The following TTBK2 variants were observed in gnomAD, a reference collection of about 807,000 sequenced individuals.
TTBK2 encodes tau-tubulin kinase 2.
A neutral mutation model predicts 110.8 loss-of-function variants in TTBK2; 28 were observed. The observed-to-expected ratio is 0.25, with a 90% CI of 0.19 to 0.35. TTBK2 has a LOEUF of 0.35. Among genes scored for constraint, TTBK2 ranks in the 10% least tolerant of loss-of-function variants. The pLI is 1.00. For missense variants in TTBK2, 1,369 were observed against 1,500.3 expected (o/e 0.91, Z 1.45); for synonymous variants, 532 against 527.3 (o/e 1.01, Z -0.12).
intron 3 of TTBK2, among the ~76,000 whole-genome samples, chr15:42,861,761 AT>A (rs1339305998): frequency 1.3e-5 from 2 of 152,192 alleles, no homozygotes; most frequent in Admixed American, 1.3e-4. Flanking sequence ...ATTGAACAAA[AT>A]TGAGACACAA....
chr15:42,895,015 T>C (rs951704897), intron 1 of TTBK2, among the ~76,000 whole-genome samples: 2 of 152,286 alleles, frequency 1.3e-5, no homozygotes, highest in South Asian at 4.1e-4. Context: ...TCAATATTCA[T>C]TCATGGTATA....
At chr15:42,763,190 ATATTTTTTTTTTTTTTTTTTTT>A (rs1889179005) in intron 13 of TTBK2, among the ~76,000 whole-genome samples, 9 of 22,762 alleles carry the variant, frequency 4.0e-4, no homozygotes, top group African/African-American at 2.0e-3. Context: ...ATATATATAT[ATATTTTTTTTTTTTTTTTTTTT>A]TTTTTTTTTT....
intron 3 of TTBK2, among the ~76,000 whole-genome samples, chr15:42,844,167 C>T (rs1436740524): frequency 6.6e-6 from 1 of 152,198 alleles, no homozygotes; most frequent in Admixed American, 6.5e-5. Context: ...TAGGCTGTAA[C>T]AGTACCTGGC....
At chr15:42,824,764 G>T (rs186416649) in intron 6 of TTBK2, among the ~76,000 whole-genome samples, 42 of 152,104 alleles carry the variant, frequency 2.8e-4, no homozygotes, top group Admixed American at 1.8e-3. Context: ...TAACTATTGG[G>T]TACTAGGCTT....
rs142557989 is a variant in TTBK2 at position 42,783,965 on chromosome 15, G to A, written c.981-330C>T. Among the ~76,000 whole-genome samples the A allele has an allele frequency of 8.5e-3, 1,289 of 152,038 alleles. 13 individuals are homozygous for A. The highest frequency in any genetic ancestry group is 0.03 in the African/African-American group (1,226 of 41,466). On this transcript the variant is annotated intron_variant, in intron 10 of 14. Transcript: ENST00000267890. ...TAATCCCAGCTACTTATGAGGCTGAGGCAGGAGAATTGCTTGAATCTAGAA... is the reference window on the plus strand; with the variant it reads ...TAATCCCAGCTACTTATGAGGCTGAAGCAGGAGAATTGCTTGAATCTAGAA...
At chr15:42,780,824 C>T (rs905609110) in intron 11 of TTBK2, among the ~76,000 whole-genome samples, 6 of 151,924 alleles carry the variant, frequency 3.9e-5, no homozygotes, top group South Asian at 2.1e-4. Context: ...ATTAGCCAAG[C>T]GTGGTGGCGG....
intron 9 of TTBK2, among the ~76,000 whole-genome samples, chr15:42,806,215 G>T (rs146866553): frequency 0.022 from 3,387 of 151,696 alleles, 110 homozygotes; most frequent in African/African-American, 0.069. Context: ...AGTGAGCCGA[G>T]ATCACACCAC....
At chr15:42,860,640 C>CTT (rs796405914) in intron 3 of TTBK2, among the ~76,000 whole-genome samples, 3,267 of 102,040 alleles carry the variant, frequency 0.032, 213 homozygotes, top group African/African-American at 0.11. Context: ...GGTATTCTTT[C>CTT]TTTTTTTTTT....
chr15:42,817,128 T>G, intron 6 of TTBK2, 31 bp from the exon 7 acceptor site: 3 of 1,585,262 alleles, frequency 1.9e-6, no homozygotes, highest in Non-Finnish European at 2.6e-6. Flanking sequence ...GAATAATAAA[T>G]GAGCTTCAAA....
At chr15:42,801,155 T>G (rs771041305) in intron 9 of TTBK2, 1 of 1,193,742 alleles carries the variant, frequency 8.4e-7, no homozygotes, top group Admixed American at 1.7e-5. Flanking sequence ...TCTGACCACC[T>G]GCATAGCTGC....
intron 13 of TTBK2, among the ~76,000 whole-genome samples, chr15:42,773,608 A>G (rs1257160463): frequency 6.6e-6 from 1 of 152,238 alleles, no homozygotes; most frequent in Non-Finnish European, 1.5e-5. Context: ...CAGCGTCGAG[A>G]GAGGGCAAAA....
intron 13 of TTBK2, among the ~76,000 whole-genome samples, chr15:42,774,338 T>C (rs572932482): frequency 6.0e-4 from 92 of 152,310 alleles, no homozygotes; most frequent in African/African-American, 2.1e-3. Context: ...GTTACTTATT[T>C]AGCCTGGGGG....
At chr15:42,807,949 C>T (rs1195574454) in intron 9 of TTBK2, among the ~76,000 whole-genome samples, 1 of 151,916 alleles carries the variant, frequency 6.6e-6, no homozygotes, top group Non-Finnish European at 1.5e-5. Context: ...TTAAATTTGC[C>T]TAACATTTGT....
rs151044593 is a variant in TTBK2 at position 42,805,928 on chromosome 15, G to A, written c.822+4686C>T. On this transcript the variant is annotated intron_variant, in intron 9 of 14. Transcript: ENST00000267890. The stretch of plus-strand genomic sequence containing the variant: ...GTTGCCTAGGAGAGCTGTACAACTT[G>A]ACTAATGTATTATATGATCAAGAAC... Among the ~76,000 whole-genome samples, 561 of 152,300 alleles carry A rather than the reference G, an allele frequency of 3.7e-3. 2 individuals are homozygous for A. The highest frequency in any genetic ancestry group is 0.013 in the African/African-American group (536 of 41,562).
In TTBK2 at chr15:42,775,499, T is replaced by G. The variant is rs1889870730; in HGVS notation, c.1634A>C (p.Gln545Pro). Reference sequence around the variant, plus strand: ...CACCCATTCTTTGGAATCAATTTCTTGCTTGCAAGAGCTCAGGTTAACAGC... The same window carrying G: ...CACCCATTCTTTGGAATCAATTTCTGGCTTGCAAGAGCTCAGGTTAACAGC... ...FIAVNLSSCK[Q>P]EIDSKEWVIV... is the part of the protein sequence containing the mutation. The change falls in exon 13 of 15, where the codon CAA becomes CCA. Residue 545 changes from glutamine to proline, a missense_variant. Coordinates refer to ENST00000267890, the MANE Select transcript of TTBK2 (RefSeq NM_173500.4). The G allele has an allele frequency of 6.2e-7, 1 of 1,614,234 alleles. No individual in the cohort carries two copies. Among genetic ancestry groups the G allele is most frequent in the Non-Finnish European group, 8.5e-7 (1 of 1,180,038 alleles).
rs75865387 is a variant in TTBK2, at chr15:42,873,666, G to A, written c.70-908C>T. Among the ~76,000 whole-genome samples, 326 of 152,256 alleles carry A rather than the reference G, an allele frequency of 2.1e-3. 4 individuals are homozygous for A. The highest frequency in any genetic ancestry group is 0.017 in the Admixed American group (263 of 15,296). On this transcript the variant is annotated intron_variant, in intron 2 of 14. Coordinates refer to ENST00000267890, the MANE Select transcript of TTBK2 (RefSeq NM_173500.4). ...TAAAATAAATATGTTAGCTTAACTG[G>A]GGAATATCAGGATGCTGGTGTGAGT...
intron 1 of TTBK2, among the ~76,000 whole-genome samples, chr15:42,895,334 C>T (rs1182235041): frequency 2.6e-5 from 4 of 152,014 alleles, no homozygotes; most frequent in Non-Finnish European, 4.4e-5. Flanking sequence ...AACAGAAAAA[C>T]AGTCCATTGA....
chr15:42,781,616 C>CTATGTAAA (rs1890182058), intron 11 of TTBK2, among the ~76,000 whole-genome samples: 14 of 151,756 alleles, frequency 9.2e-5, no homozygotes, highest in Admixed American at 7.9e-4. Context: ...AAAAATTTTC[C>CTATGTAAA]TTTAAGGCTT....
chr15:42,835,622 C>A (rs1395503534), intron 4 of TTBK2, among the ~76,000 whole-genome samples: 3 of 150,482 alleles, frequency 2.0e-5, no homozygotes, highest in Non-Finnish European at 4.4e-5. Context: ...TTCAAATAAA[C>A]CAAATGTAAA....
Sources: allele counts gnomAD v4.1 joint callset (sites outside exome capture counted in the v4.1 genomes callset), GRCh38; gene constraint gnomAD v4.1.1; transcripts MANE v1.5; gene names NCBI Gene and HGNC (gene_info 2026-07-23, HGNC 2026-07-21).